MSH5: variants seen among roughly 807,000 people sequenced by gnomAD.
MSH5 encodes the protein mutS protein homolog 5.
In MSH5, 78 loss-of-function variants were observed where a neutral mutation model predicts 107.7. The observed-to-expected ratio is 0.72, with a 90% CI of 0.60 to 0.87. The LOEUF is 0.87. MSH5 is among the 40% of genes least tolerant of loss of function. The pLI is 0.00. For missense variants in MSH5, 889 were observed against 1,046.6 expected, an observed-to-expected ratio of 0.85 and a Z score of 2.08; for synonymous variants, 326 against 399.5, an observed-to-expected ratio of 0.82 and a Z score of 2.19.
chr6:31,761,851 G>C lies in MSH5; in HGVS notation c.2215G>C (p.Val739Leu). Residue 739 changes from valine to leucine, a missense_variant, in exon 23 of 25, where the codon GTC (valine) becomes CTC (leucine). Val to Leu is a conservative substitution (Grantham distance 32). This residue lies in a region of MSH5 where 362 missense variants were observed against 456.2 expected (regional missense o/e 0.79). Transcript: ENST00000375750. This position sits in a 1 kb window ranked among gnomAD's most constrained non-coding sequence, Gnocchi z 5.3. ...METCEDGNDL[V>L]FFYQVCEGVA... ...GACCTGTGAGGATGGCAACGATCTT[G>C]TCTTCTTCTATCAGGTTTGCGAAGG... 6.2e-7 allele frequency: 1 copy of C among 1,613,060 alleles called. No homozygotes were observed. Among genetic ancestry groups the C allele is most frequent in the Non-Finnish European group, 8.5e-7 (1 of 1,180,022 alleles).
intron 12 of MSH5, among the ~76,000 whole-genome samples, chr6:31,754,916 T>G (rs1487213664): frequency 6.8e-6 from 1 of 147,160 alleles, no homozygotes; most frequent in Non-Finnish European, 1.5e-5. Context: ...CATGCCCAAG[T>G]TTTTTTTTTG....
chr6:31,762,267 C>T (rs1222312394), intron 24 of MSH5, 82 bp downstream of exon 24: 3 of 1,510,974 alleles, frequency 2.0e-6, no homozygotes, highest in Non-Finnish European at 2.8e-6. Context: ...CTCAGCCTTC[C>T]TCCAGCACTT....
intron 12 of MSH5, among the ~76,000 whole-genome samples, chr6:31,754,596 C>T (rs999538460): frequency 2.6e-5 from 4 of 152,170 alleles, no homozygotes; most frequent in African/African-American, 9.6e-5. Flanking sequence ...ATTGCAGCCT[C>T]TAACTTCTGG....
At chr6:31,749,063 C>G (rs143476173) in intron 10 of MSH5, among the ~76,000 whole-genome samples, 4,122 of 151,946 alleles carry the variant, frequency 0.027, 163 homozygotes, top group African/African-American at 0.086. Context: ...TTACAGGGAC[C>G]CACCACCATG....
chr6:31,741,506 G>A (rs1298487885), intron 3 of MSH5, among the ~76,000 whole-genome samples: 1 of 152,086 alleles, frequency 6.6e-6, no homozygotes, highest in Non-Finnish European at 1.5e-5. Context: ...AACCTCCCGA[G>A]TAGCTGGGAC....
chr6:31,740,573 CCGAGGAGGAGGAAGT>C lies in MSH5; in HGVS notation c.120_134del (p.Val41_Glu45del), dbSNP rs751089654. On this transcript the variant is annotated inframe_deletion, in exon 2 of 25. Coordinates refer to ENST00000375750, the MANE Select transcript of MSH5 (RefSeq NM_172166.4). This position sits in a 1 kb window ranked among gnomAD's most constrained non-coding sequence, Gnocchi z 4.4. ...GCCCCAGTGCCGGGCCCCAGGGAGG[CCGAGGAGGAGGAAGT>C]CGAGGAGGAGGAGGAGCTGGCCGAG... 60 of 1,513,362 alleles carry C rather than the reference CCGAGGAGGAGGAAGT, an allele frequency of 4.0e-5. No homozygotes were observed. Among genetic ancestry groups the C allele is most frequent in the East Asian group, 2.3e-4 (9 of 39,570 alleles). 93.7% of individuals were successfully genotyped at this position (1,513,362 alleles called of 1,614,324 possible).
chr6:31,758,128 G>T lies in MSH5; in HGVS notation c.1015-37G>T. 2 of 1,612,288 alleles carry T rather than the reference G, an allele frequency of 1.2e-6. No individual in the cohort carries two copies. On this transcript the variant is annotated intron_variant, in intron 12 of 24. Transcript: ENST00000375750. This position sits in a 1 kb window ranked among gnomAD's most constrained non-coding sequence, Gnocchi z 5.1. The stretch of plus-strand genomic sequence containing the variant: ...CCTATCACCACCTCAACCCGAGCTG[G>T]ATGTGGCCTGTCCTCCTTTTTGTGT...
At position 31,759,628 on chromosome 6, in the gene MSH5, C is replaced by T. The variant is rs187182397; in HGVS notation, c.1495+116C>T. 2.2e-3 allele frequency: 2,920 copies of T among 1,343,180 alleles called. 2 individuals are homozygous for T. Among genetic ancestry groups the T allele is most frequent in the Non-Finnish European group, 2.6e-3 (2,496 of 958,140 alleles). The allele number at this position is 1,343,180 out of a possible 1,614,324, so 83.2% of individuals were successfully genotyped here. A position where few individuals can be genotyped will look rare whatever the true frequency, so the allele number is the denominator to read the frequency against. Reference sequence around the variant, plus strand: ...TTCCAACAGGCCCCTCCTCTTCCTGCTCTCTGTCTCGCTCACTCTGACTCT... The same window carrying T: ...TTCCAACAGGCCCCTCCTCTTCCTGTTCTCTGTCTCGCTCACTCTGACTCT... On this transcript the variant is annotated intron_variant, in intron 17 of 24. Transcript: ENST00000375750. This position sits in a 1 kb window ranked among gnomAD's most constrained non-coding sequence, Gnocchi z 4.7.
chr6:31,749,606 G>A (rs1457909380), intron 10 of MSH5, among the ~76,000 whole-genome samples: 1 of 151,806 alleles, frequency 6.6e-6, no homozygotes, highest in African/African-American at 2.4e-5. Flanking sequence ...GCTTTTACAG[G>A]TACCTGTAAG....
In MSH5 at chr6:31,753,670, G is replaced by C. The variant is rs538696450; in HGVS notation, c.1014+41G>C. On this transcript the variant is annotated intron_variant, in intron 12 of 24. Transcript: ENST00000375750. Reference sequence around the variant, plus strand: ...TTGAATCCCAAAAGTCCAGGTAAAGGCCCTCAGCCTGTATTCCAGACTGTC... The same window carrying C: ...TTGAATCCCAAAAGTCCAGGTAAAGCCCCTCAGCCTGTATTCCAGACTGTC... 5 of 1,583,278 alleles carry C rather than the reference G, an allele frequency of 3.2e-6. No homozygotes were observed. In the South Asian group the frequency reaches 5.5e-5, roughly 18 times the overall value.
chr6:31,753,360 T>C lies in MSH5; in HGVS notation c.872T>C (p.Ile291Thr). The stretch of plus-strand genomic sequence containing the variant: ...GAGCTCAGTTCTCGTCTGGACGTCA[T>C]TCAGTTTTTTCTGCTGCCCCAGAAT... Reference protein sequence around the residue: ...LGELSSRLDVIQFFLLPQNLD... With the variant: ...LGELSSRLDVTQFFLLPQNLD... Residue 291 changes from isoleucine to threonine, a missense_variant, in exon 11 of 25, where the codon ATT (isoleucine) becomes ACT (threonine). This residue lies in a region of MSH5 where 518 missense variants were observed against 565.0 expected (regional missense o/e 0.92). Transcript: ENST00000375750. The C allele has an allele frequency of 6.2e-7, 1 of 1,614,152 alleles. No homozygotes were observed. Among genetic ancestry groups the C allele is most frequent in the Non-Finnish European group, 8.5e-7 (1 of 1,180,028 alleles).
At chr6:31,742,535 G>A (rs1809011163) in intron 3 of MSH5, among the ~76,000 whole-genome samples, 1 of 152,198 alleles carries the variant, frequency 6.6e-6, no homozygotes, top group Non-Finnish European at 1.5e-5. Context: ...AGGGATTATA[G>A]GCATGAGCCA....
chr6:31,753,694 T>G, intron 12 of MSH5, 65 bp downstream of exon 12: 1 of 1,466,826 alleles, frequency 6.8e-7, no homozygotes, highest in Non-Finnish European at 9.6e-7. Flanking sequence ...TTCCAGACTG[T>G]CTGTACCCTA....
Position 31,759,690 on chromosome 6 carries a change from A to G in MSH5, c.1496-96A>G. 2 of 1,443,464 alleles carry G rather than the reference A, an allele frequency of 1.4e-6. No homozygotes were observed. Among genetic ancestry groups the G allele is most frequent in the Non-Finnish European group, 1.9e-6 (2 of 1,050,248 alleles). The allele number at this position is 1,443,464 out of a possible 1,614,324, so 89.4% of individuals were successfully genotyped here. On this transcript the variant is annotated intron_variant, in intron 17 of 24. Transcript: ENST00000375750. The surrounding 1 kb of genome is among the most constrained non-coding windows in gnomAD (Gnocchi z 4.7). ...TGAATGTCTTGAGGTCTCAGATTGT[A>G]TCTGCAACCTGTTTCCAGATCCCCC...
chr6:31,740,625 G>A lies in MSH5; in HGVS notation c.147+12G>A. ...AGGAGCTGGCCGAGGTCTCTGAGGG[G>A]AGTAGAAACTTGAATGGAGAGTTGA... On this transcript the variant is annotated intron_variant, in intron 2 of 24. Coordinates refer to ENST00000375750, the MANE Select transcript of MSH5 (RefSeq NM_172166.4). This position sits in a 1 kb window ranked among gnomAD's most constrained non-coding sequence, Gnocchi z 4.4. The A allele has an allele frequency of 1.3e-6, 2 of 1,486,280 alleles. No homozygotes were observed. Among genetic ancestry groups the A allele is most frequent in the Admixed American group, 2.8e-5 (1 of 36,050 alleles). 92.1% of individuals were successfully genotyped at this position (1,486,280 alleles called of 1,614,324 possible).
intron 11 of MSH5, 55 bp downstream of exon 11, chr6:31,753,494 G>C: frequency 6.2e-7 from 1 of 1,613,414 alleles, no homozygotes; most frequent in Non-Finnish European, 8.5e-7. Flanking sequence ...GGCTGATACT[G>C]GGCAGTGGGC....
intron 12 of MSH5, among the ~76,000 whole-genome samples, chr6:31,755,374 A>T (rs1218002614): frequency 1.5e-5 from 2 of 137,766 alleles, no homozygotes; most frequent in Non-Finnish European, 3.1e-5. Flanking sequence ...TTATTTATTT[A>T]TTTTTGAGAC....
chr6:31,749,406 A>G (rs569628149), intron 10 of MSH5, among the ~76,000 whole-genome samples: 5 of 152,180 alleles, frequency 3.3e-5, no homozygotes, highest in African/African-American at 7.2e-5. Flanking sequence ...GCCCAGCATC[A>G]TGGCGCATGC....
chr6:31,756,947 T>G (rs1313916239), intron 12 of MSH5: 1 of 151,432 alleles, frequency 6.6e-6, no homozygotes, highest in Non-Finnish European at 1.5e-5. Context: ...CCCTTTTTTT[T>G]TTCCCCAATA....
Sources: gnomAD v4.1 joint callset for allele counts (sites outside exome capture counted in the v4.1 genomes callset) on GRCh38, gnomAD v4.1.1 for gene constraint, gnomAD v4.1.1 regional missense constraint, Gnocchi (gnomAD v3.1) non-coding constraint, MANE v1.5 for transcripts, NCBI Gene and HGNC (gene_info 2026-07-23, HGNC 2026-07-21) for gene names.